TTLL5: variants seen among roughly 807,000 people sequenced by gnomAD.
TTLL5 encodes tubulin polyglutamylase TTLL5.
A neutral mutation model predicts 168.4 loss-of-function variants in TTLL5; 132 were observed. The observed-to-expected ratio is 0.78, with a 90% CI of 0.68 to 0.91. The LOEUF (loss-of-function observed/expected upper bound fraction) is 0.91. TTLL5 is among the 40% of genes least tolerant of loss of function. TTLL5 has a pLI of 0.00. For synonymous variants in TTLL5, 546 were observed against 558.6 expected (o/e 0.98, Z 0.32); for missense variants, 1,545 against 1,581.5 (o/e 0.98, Z 0.39).
At chr14:75,748,658 A>G (rs1443451407) in intron 17 of TTLL5, among the ~76,000 whole-genome samples, 2 of 152,256 alleles carry the variant, frequency 1.3e-5, no homozygotes. Context: ...AAGCTTTAAA[A>G]GGTAATGCTT....
chr14:75,808,000 A>G (rs983633143), intron 27 of TTLL5, among the ~76,000 whole-genome samples: 2 of 152,338 alleles, frequency 1.3e-5, no homozygotes, highest in South Asian at 4.1e-4. Context: ...TAGTCAACTG[A>G]TTCTTCGACC....
chr14:75,865,617 C>T (rs2030457637), intron 29 of TTLL5, among the ~76,000 whole-genome samples: 1 of 152,106 alleles, frequency 6.6e-6, no homozygotes, highest in African/African-American at 2.4e-5. Flanking sequence ...TGGAGGATGA[C>T]TGGGGAAGGA....
intron 28 of TTLL5, among the ~76,000 whole-genome samples, chr14:75,834,232 G>A (rs1895750664): frequency 6.6e-6 from 1 of 152,208 alleles, no homozygotes; most frequent in Non-Finnish European, 1.5e-5. Flanking sequence ...GCGGAGATTT[G>A]TGCAAAGGCA....
intron 21 of TTLL5, among the ~76,000 whole-genome samples, chr14:75,772,543 T>C (rs1322390595): frequency 6.6e-6 from 1 of 152,194 alleles, no homozygotes; most frequent in African/African-American, 2.4e-5. Context: ...TGTATATCAG[T>C]CATTTGAACA....
In TTLL5 at chr14:75,685,996, A is replaced by C. The variant is rs115681293; in HGVS notation, c.371+2340A>C. ...TTAGGAAGTTCTCTAGGTGATTCTT[A>C]CATACACTAAAAATTGAGTACCTCT... On this transcript the variant is annotated intron_variant, in intron 5 of 31. Coordinates refer to ENST00000298832, the MANE Select transcript of TTLL5 (RefSeq NM_015072.5). Among the ~76,000 whole-genome samples the C allele has an allele frequency of 1.8e-3, 272 of 152,332 alleles. 1 individual carries two copies. The highest frequency in any genetic ancestry group is 6.1e-3 in the African/African-American group (255 of 41,576).
chr14:75,816,886 G>A (rs993606999), intron 27 of TTLL5, among the ~76,000 whole-genome samples: 21 of 151,840 alleles, frequency 1.4e-4, no homozygotes, highest in African/African-American at 4.6e-4. Flanking sequence ...ATTGCCCCTA[G>A]GATATAGGAA....
chr14:75,899,186 A>G (rs954219847), intron 30 of TTLL5, among the ~76,000 whole-genome samples: 3 of 152,260 alleles, frequency 2.0e-5, no homozygotes, highest in East Asian at 1.9e-4. Flanking sequence ...TCAAAAGCCT[A>G]TAAGGTAGGT....
At chr14:75,661,466 TC>T (rs911656395) in intron 1 of TTLL5, 79 bp downstream of exon 1, 1 of 152,266 alleles carries the variant, frequency 6.6e-6, no homozygotes, top group African/African-American at 2.4e-5. Context: ...CAGCAGGACT[TC>T]CCGCTCAGAG....
In TTLL5 at chr14:75,954,604, A is replaced by G. The variant is rs930427550; in HGVS notation, c.*158A>G. On this transcript the variant is annotated 3_prime_UTR_variant, in exon 32 of 32. Transcript: ENST00000298832. ...CAGAAGTGGCAGTAGATGGTTGCCA[A>G]TCAGCCAATGCAGACTTTCACTGGG... The G allele has an allele frequency of 1.7e-5, 12 of 718,078 alleles. No homozygotes were observed. Among genetic ancestry groups the G allele is most frequent in the Admixed American group, 1.2e-4 (5 of 40,428 alleles). 44.5% of individuals were successfully genotyped at this position (718,078 alleles called of 1,614,324 possible). A position where few individuals can be genotyped will look rare whatever the true frequency, so the allele number is the denominator to read the frequency against.
chr14:75,782,798 G>T (rs1293673345), intron 25 of TTLL5, among the ~76,000 whole-genome samples: 1 of 151,982 alleles, frequency 6.6e-6, no homozygotes, highest in Non-Finnish European at 1.5e-5. Flanking sequence ...TGCATTCTTT[G>T]TTCCTAGAAG....
At chr14:75,735,563 TC>T (rs951157513) in intron 15 of TTLL5, among the ~76,000 whole-genome samples, 2 of 152,230 alleles carry the variant, frequency 1.3e-5, no homozygotes, top group African/African-American at 4.8e-5. Context: ...TCACGTTTTT[TC>T]CGCCTCAGAT....
chr14:75,907,542 G>C (rs2033194540), intron 31 of TTLL5, among the ~76,000 whole-genome samples: 1 of 152,156 alleles, frequency 6.6e-6, no homozygotes, highest in Non-Finnish European at 1.5e-5. Context: ...AATACCCCAG[G>C]AGTGCAAAAG....
chr14:75,735,384 C>A, intron 15 of TTLL5, 95 bp downstream of exon 15: 1 of 1,181,304 alleles, frequency 8.5e-7, no homozygotes, highest in Non-Finnish European at 1.3e-6. Context: ...GGTATGAGGT[C>A]ACTTAGAGCA....
At chr14:75,669,362 CAGTT>C (rs1285889303) in intron 2 of TTLL5, 50 bp from the exon 3 acceptor site, 3 of 1,494,480 alleles carry the variant, frequency 2.0e-6, no homozygotes, top group Admixed American at 1.8e-5. Context: ...TCTGCATCAG[CAGTT>C]AGTTCAGGTT....
chr14:75,800,332 C>T (rs1456307480), intron 27 of TTLL5, among the ~76,000 whole-genome samples: 2 of 151,922 alleles, frequency 1.3e-5, no homozygotes, highest in Admixed American at 6.6e-5. Context: ...TGTTTTTTAT[C>T]GATGCTCTCT....
intron 29 of TTLL5, among the ~76,000 whole-genome samples, chr14:75,872,496 C>T (rs560119073): frequency 6.6e-6 from 1 of 152,286 alleles, no homozygotes; most frequent in African/African-American, 2.4e-5. Context: ...AATTTCCTAA[C>T]ATTTTTTGTG....
chr14:75,775,663 A>G, intron 22 of TTLL5, 33 bp downstream of exon 22: 1 of 1,612,254 alleles, frequency 6.2e-7, no homozygotes, highest in Non-Finnish European at 8.5e-7. Context: ...TGTGCTTTGG[A>G]TTGCCATACA....
At chr14:75,717,724 T>C in intron 9 of TTLL5, 137 bp from the exon 10 acceptor site, 4 of 725,240 alleles carry the variant, frequency 5.5e-6, no homozygotes, top group Non-Finnish European at 9.2e-6. Context: ...AGAATGGGAG[T>C]TAGCACTTAG....
At position 75,882,734 on chromosome 14, in the gene TTLL5, A is replaced by C; in HGVS notation, c.3572A>C (p.Asn1191Thr). The change falls in exon 30 of 32, where the codon AAT becomes ACT. Residue 1191 changes from asparagine (N) to threonine (T), a missense_variant. Transcript: ENST00000298832. ...CCTAACTCCAATTTATGGACAATGA[A>C]TAATGGTGCAGGTTGTAGAATTTCC... ...TLPNSNLWTMNNGAGCRISSA... is the reference protein window; with the variant it reads ...TLPNSNLWTMTNGAGCRISSA... The C allele has an allele frequency of 6.2e-7, 1 of 1,614,082 alleles. No homozygotes were observed.
Sources: gnomAD v4.1 joint callset for allele counts (sites outside exome capture counted in the v4.1 genomes callset) on GRCh38, gnomAD v4.1.1 for gene constraint, MANE v1.5 for transcripts, NCBI Gene and HGNC (gene_info 2026-07-23, HGNC 2026-07-21) for gene names.